Variants in STARD13 observed in about 807,000 individuals in gnomAD.
STARD13 encodes stAR-related lipid transfer protein 13.
A neutral mutation model predicts 106.4 loss-of-function variants in STARD13; 62 were observed. The ratio of observed to expected loss-of-function variants is 0.58; its 90% CI spans 0.48 to 0.72. The LOEUF (loss-of-function observed/expected upper bound fraction) is 0.72, where lower values mean the gene tolerates loss of function less well. STARD13 is among the 30% of genes least tolerant of loss of function. The pLI, the probability that STARD13 is intolerant of heterozygous loss-of-function variation, is 0.00. For missense variants in STARD13, 1,387 were observed against 1,424.0 expected (o/e 0.97, Z 0.42); for synonymous variants, 565 against 553.0 (o/e 1.02, Z -0.31).
chr13:33,263,351 C>T (rs918651092), intron 1 of STARD13, among the ~76,000 whole-genome samples: 7 of 152,140 alleles, frequency 4.6e-5, no homozygotes, highest in African/African-American at 1.7e-4. Flanking sequence ...AAGGAGCCCC[C>T]TCTCCTTTAA....
At chr13:33,115,210 A>G (rs193234097) in intron 8 of STARD13, among the ~76,000 whole-genome samples, 11 of 152,320 alleles carry the variant, frequency 7.2e-5, no homozygotes, top group Admixed American at 3.3e-4. Flanking sequence ...TTTGACAAAA[A>G]TCCAAGAAGT....
chr13:33,151,249 A>G (rs2858815), intron 3 of STARD13, among the ~76,000 whole-genome samples: 54,223 of 152,056 alleles, frequency 0.36, 9,933 homozygotes, highest in Middle Eastern at 0.41. Context: ...GGGTTGATTT[A>G]TAAGGAAAAG....
chr13:33,475,198 G>C, the STARD13 span, among the ~76,000 whole-genome samples: 1 of 152,094 alleles, frequency 6.6e-6, no homozygotes, highest in East Asian at 1.9e-4. Flanking sequence ...ACTGATATTT[G>C]ACAGATGGTT....
At chr13:33,390,027 A>G in the STARD13 span, among the ~76,000 whole-genome samples, 2 of 152,158 alleles carry the variant, frequency 1.3e-5, no homozygotes, top group Admixed American at 6.5e-5. Context: ...AAATAGAGAT[A>G]TGGAGGCCAT....
At chr13:33,629,948 A>G in the STARD13 span, among the ~76,000 whole-genome samples, 2 of 152,222 alleles carry the variant, frequency 1.3e-5, no homozygotes, top group African/African-American at 2.4e-5. Flanking sequence ...CATTTAGTTT[A>G]TGAATATAAA....
chr13:33,486,238 A>G, the STARD13 span, among the ~76,000 whole-genome samples: 2 of 152,114 alleles, frequency 1.3e-5, no homozygotes, highest in Non-Finnish European at 2.9e-5. Context: ...GCTTGTTAAC[A>G]AAGTAAAGGG....
chr13:33,169,649 T>C (rs1195577193), intron 1 of STARD13, among the ~76,000 whole-genome samples: 3 of 152,332 alleles, frequency 2.0e-5, no homozygotes, highest in African/African-American at 7.2e-5. Flanking sequence ...GTTTTATTAT[T>C]ACCTTTACTA....
At chr13:33,376,376 C>T in the STARD13 span, among the ~76,000 whole-genome samples, 3 of 152,066 alleles carry the variant, frequency 2.0e-5, no homozygotes, top group Admixed American at 6.6e-5. Flanking sequence ...TGGGTACTTA[C>T]GCATTCTAGA....
the STARD13 span, among the ~76,000 whole-genome samples, chr13:33,676,176 T>C: frequency 2.0e-5 from 3 of 152,182 alleles, no homozygotes; most frequent in Non-Finnish European, 4.4e-5. Flanking sequence ...TACAGAGCAG[T>C]GCCAATGAAG....
chr13:33,169,202 G>T (rs553751612), intron 1 of STARD13, among the ~76,000 whole-genome samples: 1 of 152,324 alleles, frequency 6.6e-6, no homozygotes, highest in South Asian at 2.1e-4. Flanking sequence ...GAGTCTCTGA[G>T]TTCCACAACT....
chr13:33,122,786 G>A (rs1876540686), intron 7 of STARD13, among the ~76,000 whole-genome samples: 1 of 152,080 alleles, frequency 6.6e-6, no homozygotes, highest in African/African-American at 2.4e-5. Context: ...TGGGCACAGT[G>A]GCTCATGCCT....
chr13:33,619,534 A>G, the STARD13 span, among the ~76,000 whole-genome samples: 1 of 152,212 alleles, frequency 6.6e-6, no homozygotes, highest in Admixed American at 6.5e-5. Flanking sequence ...TGATAAGACT[A>G]CATTATTGTA....
At chr13:33,401,610 T>C in the STARD13 span, among the ~76,000 whole-genome samples, 1 of 152,328 alleles carries the variant, frequency 6.6e-6, no homozygotes, top group Non-Finnish European at 1.5e-5. Context: ...ACTTTCCTTC[T>C]TGTCTCTCCT....
chr13:33,497,154 G>A, the STARD13 span, among the ~76,000 whole-genome samples: 99 of 152,176 alleles, frequency 6.5e-4, no homozygotes, highest in Middle Eastern at 3.4e-3. Context: ...AGACCTTTAA[G>A]TTTCCCAAAT....
At chr13:33,349,902 G>A (rs1482650928) in intron 1 of STARD13, among the ~76,000 whole-genome samples, 2 of 152,238 alleles carry the variant, frequency 1.3e-5, no homozygotes, top group Non-Finnish European at 2.9e-5. Flanking sequence ...GTTGGGAAGG[G>A]GCAGCCCTCG....
At chr13:33,667,211 G>A in the STARD13 span, among the ~76,000 whole-genome samples, 4 of 152,214 alleles carry the variant, frequency 2.6e-5, no homozygotes, top group African/African-American at 9.7e-5. Context: ...GCGATGATAT[G>A]GAAAGGAGAG....
rs1873356691 is a variant in STARD13 at position 33,103,694 on chromosome 13, A to G, written c.*1899T>C. 1 of 152,596 alleles carries G rather than the reference A, an allele frequency of 6.6e-6. No individual in the cohort carries two copies. 9.5% of individuals were successfully genotyped at this position (152,596 alleles called of 1,614,324 possible). A position where few individuals can be genotyped will look rare whatever the true frequency, so the allele number is the denominator to read the frequency against. On this transcript the variant is annotated 3_prime_UTR_variant, in exon 14 of 14. Transcript: ENST00000336934. ...GGACAAGCACCTCTCTGGGCGATAC[A>G]AAGCCACTCATCCTCGTGTGCCTAT...
the STARD13 span, among the ~76,000 whole-genome samples, chr13:33,415,985 A>C: frequency 6.6e-6 from 1 of 152,262 alleles, no homozygotes; most frequent in Non-Finnish European, 1.5e-5. Flanking sequence ...TATCAGAAGA[A>C]TAAGAAAATG....
chr13:33,291,006 A>G (rs1892272283), intron 1 of STARD13, among the ~76,000 whole-genome samples: 1 of 152,220 alleles, frequency 6.6e-6, no homozygotes, highest in South Asian at 2.1e-4. Flanking sequence ...GGCTTGTTAC[A>G]TGTTCATATG....
Sources: gnomAD v4.1 joint callset for allele counts (sites outside exome capture counted in the v4.1 genomes callset) on GRCh38, gnomAD v4.1.1 for gene constraint, MANE v1.5 for transcripts, NCBI Gene and HGNC (gene_info 2026-07-23, HGNC 2026-07-21) for gene names.